Variants in CUX1 observed in about 807,000 individuals in gnomAD.
CUX1 encodes cut like homeobox 1.
Under a neutral mutation model 158.8 loss-of-function variants are expected in CUX1, and 31 were observed. The observed-to-expected ratio is 0.20, with a 90% CI of 0.15 to 0.26. CUX1 has a LOEUF of 0.26. Ranked by LOEUF, CUX1 falls within the 10% of genes least tolerant of loss-of-function variation. CUX1 has a pLI of 1.00. For synonymous variants in CUX1, 879 were observed against 862.1 expected (o/e 1.02, Z -0.34); for missense variants, 1,589 against 2,014.6 (o/e 0.79, Z 4.04).
chr7:102,233,231 G>A (rs1339574160), intron 21 of CUX1, among the ~76,000 whole-genome samples: 1 of 144,836 alleles, frequency 6.9e-6, no homozygotes, highest in East Asian at 2.0e-4. Context: ...TGTTGCCCAG[G>A]CTGGAGTGCA....
intron 8 of CUX1, among the ~76,000 whole-genome samples, chr7:102,148,691 T>TTA (rs1180566580): frequency 1.2e-4 from 18 of 148,102 alleles, no homozygotes; most frequent in African/African-American, 4.2e-4. Flanking sequence ...AATGTATGTG[T>TTA]TATATATATA....
chr7:101,874,656 G>A (rs984666152), intron 1 of CUX1, among the ~76,000 whole-genome samples: 15 of 152,126 alleles, frequency 9.9e-5, no homozygotes, highest in Non-Finnish European at 2.1e-4. Flanking sequence ...AGTGTGGCCC[G>A]GTCTGACCCC....
At chr7:102,198,264 A>G (rs1396404656) in intron 15 of CUX1, among the ~76,000 whole-genome samples, 1 of 152,140 alleles carries the variant, frequency 6.6e-6, no homozygotes, top group Non-Finnish European at 1.5e-5. Context: ...TGCCTCAAAT[A>G]AAAAAACAAA....
upstream of CUX1, chr7:101,816,832 C>T (rs1375080949): frequency 1.1e-5 from 9 of 801,344 alleles, no homozygotes; most frequent in African/African-American, 1.9e-5. Context: ...CGCTCGCTAC[C>T]CCCGGCCGGC....
chr7:102,219,519 G>A (rs1315005196), intron 20 of CUX1, among the ~76,000 whole-genome samples: 1 of 152,244 alleles, frequency 6.6e-6, no homozygotes. Context: ...TTCCCAGGGG[G>A]CAGAAGGCCA....
chr7:101,940,545 T>A (rs1807582995), intron 2 of CUX1, among the ~76,000 whole-genome samples: 1 of 152,162 alleles, frequency 6.6e-6, no homozygotes, highest in Non-Finnish European at 1.5e-5. Context: ...TCTAGTATTT[T>A]CTTATGTTGA....
At chr7:102,235,778 C>CCACA (rs139509701) in intron 22 of CUX1, among the ~76,000 whole-genome samples, 6 of 141,458 alleles carry the variant, frequency 4.2e-5, no homozygotes, top group South Asian at 2.3e-4. Context: ...CCCGTCCCCG[C>CCACA]CACACACACA....
intron 8 of CUX1, among the ~76,000 whole-genome samples, chr7:102,140,864 C>CA (rs61268006): frequency 0.023 from 2,461 of 104,778 alleles, 72 homozygotes; most frequent in East Asian, 0.15. Flanking sequence ...GACTTCGTCT[C>CA]AAAAAAAAAA....
intron 10 of CUX1, among the ~76,000 whole-genome samples, chr7:102,171,089 A>G (rs898760354): frequency 6.6e-6 from 1 of 152,148 alleles, no homozygotes; most frequent in Admixed American, 6.5e-5. Flanking sequence ...AATTAGCGCA[A>G]ATGGCTCTTA....
At chr7:102,109,045 T>G (rs1337830194) in intron 6 of CUX1, among the ~76,000 whole-genome samples, 1 of 152,152 alleles carries the variant, frequency 6.6e-6, no homozygotes, top group Non-Finnish European at 1.5e-5. Context: ...TCATTCTTTA[T>G]AACAAAAAAT....
intron 8 of CUX1, among the ~76,000 whole-genome samples, chr7:102,134,962 A>G (rs527925368): frequency 6.6e-6 from 1 of 152,306 alleles, no homozygotes; most frequent in African/African-American, 2.4e-5. Flanking sequence ...GAAACTGGGC[A>G]GTAATTCTAC....
chr7:101,862,218 A>G (rs1009071003), intron 1 of CUX1, among the ~76,000 whole-genome samples: 1 of 150,452 alleles, frequency 6.6e-6, no homozygotes, highest in Admixed American at 6.7e-5. Context: ...ATAGTCAGAA[A>G]CTCAAGAAAC....
chr7:102,257,550 T>C lies in CUX1; in HGVS notation c.*8508T>C, dbSNP rs1448985780. 1.0e-6 allele frequency: 1 copy of C among 985,280 alleles called. No individual in the cohort carries two copies. The highest frequency in any genetic ancestry group is 1.2e-6 in the Non-Finnish European group (1 of 829,928). 61.0% of individuals were successfully genotyped at this position (985,280 alleles called of 1,614,324 possible). On this transcript the variant is annotated 3_prime_UTR_variant, in exon 24 of 24. Coordinates refer to ENST00000292535, the MANE Select transcript of CUX1 (RefSeq NM_181552.4). ...GTGGTTTTCCCCACATCCCTTTGCA[T>C]TGAATAAGAGACCTAGTTCTTTGCG...
At position 101,916,381 on chromosome 7, in the gene CUX1, CA is replaced by C. The variant is rs1804213047; in HGVS notation, c.141+157del. 1 of 562,158 alleles carries C rather than the reference CA, an allele frequency of 1.8e-6. No individual in the cohort carries two copies. The highest frequency in any genetic ancestry group is 3.3e-6 in the Non-Finnish European group (1 of 302,240). 34.8% of individuals were successfully genotyped at this position (562,158 alleles called of 1,614,324 possible). ...CAGATGTCTTCAGCCCCATTTCCAG[CA>C]GAACGCATGCCATCCTGCAGGCTGT... On this transcript the variant is annotated intron_variant, in intron 2 of 23. Coordinates refer to ENST00000292535, the MANE Select transcript of CUX1 (RefSeq NM_181552.4). This position sits in a 1 kb window ranked among gnomAD's most constrained non-coding sequence, Gnocchi z 4.4.
intron 2 of CUX1, among the ~76,000 whole-genome samples, chr7:101,965,697 A>G (rs1310129159): frequency 3.3e-5 from 5 of 151,604 alleles, no homozygotes; most frequent in Non-Finnish European, 7.4e-5. Flanking sequence ...AATACAAAAA[A>G]AATTAGCGGG....
At position 102,249,332 on chromosome 7, in the gene CUX1, C is replaced by A; in HGVS notation, c.*290C>A. ...GCCCGCGGCCTGGACCCCTGGACCG[C>A]TTTGCGCACTTACCGCCCTGCGGGC... On this transcript the variant is annotated 3_prime_UTR_variant, in exon 24 of 24. Transcript: ENST00000292535. 1 of 1,018,320 alleles carries A rather than the reference C, an allele frequency of 9.8e-7. No homozygotes were observed. The highest frequency in any genetic ancestry group is 1.2e-6 in the Non-Finnish European group (1 of 850,832). The allele number at this position is 1,018,320 out of a possible 1,614,324, so 63.1% of individuals were successfully genotyped here.
chr7:102,046,569 A>ATTTTTTTTTTTTTTTTTT lies in CUX1; in HGVS notation c.189+18434_189+18451dup, dbSNP rs55753644. On this transcript the variant is annotated intron_variant, in intron 3 of 23. Transcript: ENST00000292535. ...CCTGTTCTGTTTTGGTTTGGTTTGG[A>ATTTTTTTTTTTTTTTTTT]TTTTTTTTTTTTTTTTTTTTTTTTT... Among the ~76,000 whole-genome samples, 105 of 55,466 alleles carry ATTTTTTTTTTTTTTTTTT rather than the reference A, an allele frequency of 1.9e-3. 10 individuals carry two copies. The highest frequency in any genetic ancestry group is 3.5e-3 in the African/African-American group (43 of 12,212). The allele number at this position is 55,466 out of a possible 152,430, so 36.4% of individuals were successfully genotyped here. A position where few individuals can be genotyped will look rare whatever the true frequency, so the allele number is the denominator to read the frequency against.
At chr7:101,999,810 G>A (rs1048491958) in intron 2 of CUX1, among the ~76,000 whole-genome samples, 1 of 152,188 alleles carries the variant, frequency 6.6e-6, no homozygotes, top group Non-Finnish European at 1.5e-5. Flanking sequence ...TATAGGTTTT[G>A]AAGTTTGAGG....
Position 102,255,886 on chromosome 7 carries a change from CTA to C in CUX1, c.*6846_*6847del, listed in dbSNP as rs543281550. On this transcript the variant is annotated 3_prime_UTR_variant, in exon 24 of 24. Transcript: ENST00000292535. ...AAACGGAAAGCACTTAAATAGATGA[CTA>C]TGTGTAAAAGCTCTGTGCAATTGAA... is the stretch of plus-strand genomic sequence containing the variant. 299 of 985,108 alleles carry C rather than the reference CTA, an allele frequency of 3.0e-4. 3 individuals carry two copies. The South Asian group carries it at 4.6e-3, about 15-fold the overall frequency. The allele number at this position is 985,108 out of a possible 1,614,324, so 61.0% of individuals were successfully genotyped here.
Sources: allele counts gnomAD v4.1 joint callset (sites outside exome capture counted in the v4.1 genomes callset), GRCh38; gene constraint gnomAD v4.1.1; non-coding constraint Gnocchi (gnomAD v3.1); transcripts MANE v1.5; gene names NCBI Gene and HGNC (gene_info 2026-07-23, HGNC 2026-07-21).